ANO6: variants seen among roughly 807,000 people sequenced by gnomAD.
ANO6 encodes the protein anoctamin 6.
In ANO6, 106 loss-of-function variants were observed where a neutral mutation model predicts 117.5. The observed-to-expected ratio is 0.90, with a 90% CI of 0.77 to 1.06. The LOEUF (loss-of-function observed/expected upper bound fraction) is 1.06, where lower values mean the gene tolerates loss of function less well. ANO6 is among the 50% of genes least tolerant of loss of function. ANO6 has a pLI of 0.00. For synonymous variants in ANO6, 367 were observed against 385.1 expected (o/e 0.95, Z 0.55); for missense variants, 955 against 1,121.1 (o/e 0.85, Z 2.12).
In ANO6 at chr12:45,429,139, A is replaced by C. The variant is rs776028603; in HGVS notation, c.2561A>C (p.Tyr854Ser). The C allele has an allele frequency of 6.2e-7, 1 of 1,613,808 alleles. No homozygotes were observed. Among genetic ancestry groups the C allele is most frequent in the Non-Finnish European group, 8.5e-7 (1 of 1,179,894 alleles). The change falls in exon 20 of 20, where the codon TAT becomes TCT. Residue 854 changes from tyrosine to serine, a missense_variant. Tyr to Ser is a moderately radical substitution (Grantham distance 144, BLOSUM62 -2). Coordinates refer to ENST00000320560, the MANE Select transcript of ANO6 (RefSeq NM_001025356.3). The part of the protein sequence containing the change: ...VIYSVKFFIS[Y>S]AIPDVSKRTK... ...TACTCTGTGAAATTTTTCATTTCATATGCAATTCCCGATGTATCAAAACGC... is the reference window on the plus strand; with the variant it reads ...TACTCTGTGAAATTTTTCATTTCATCTGCAATTCCCGATGTATCAAAACGC...
rs1220919918 is a variant in ANO6, at chr12:45,409,258, G to A, written c.1881-99G>A. On this transcript the variant is annotated intron_variant, in intron 15 of 19. Transcript: ENST00000320560. ...CATGCAAACAAAAAAATAGTTTATT[G>A]GGAAGATTACTTGTGCAGCTTTGAG... 3.9e-5 allele frequency: 57 copies of A among 1,455,300 alleles called. No homozygotes were observed. In the Admixed American group the frequency reaches 9.7e-4, roughly 25 times the overall value. 90.1% of individuals were successfully genotyped at this position (1,455,300 alleles called of 1,614,324 possible).
At chr12:45,322,098 G>A (rs1320910557) in intron 2 of ANO6, among the ~76,000 whole-genome samples, 3 of 152,090 alleles carry the variant, frequency 2.0e-5, no homozygotes, top group Admixed American at 6.6e-5. Flanking sequence ...AGTTAGAAAG[G>A]CAAATAACAT....
chr12:45,301,044 T>C (rs1939467405), intron 1 of ANO6, among the ~76,000 whole-genome samples: 1 of 152,234 alleles, frequency 6.6e-6, no homozygotes, highest in Non-Finnish European at 1.5e-5. Context: ...CACAAATGGC[T>C]ATTGAGCTTT....
rs1270856549 is a variant in ANO6, at chr12:45,358,964, A to G, written c.998+1540A>G. Among the ~76,000 whole-genome samples the G allele has an allele frequency of 4.6e-5, 7 of 152,184 alleles. No individual in the cohort carries two copies. In the East Asian group the frequency reaches 1.4e-3, roughly 29 times the overall value. ...ACACCCGGCTAATTTTTGTATTTTT[A>G]GTAGAGATGGGGTTTCACCATCTTG... On this transcript the variant is annotated intron_variant, in intron 8 of 19. Transcript: ENST00000320560.
At chr12:45,398,152 G>A (rs1037548826) in intron 12 of ANO6, among the ~76,000 whole-genome samples, 6 of 152,126 alleles carry the variant, frequency 3.9e-5, no homozygotes, top group Non-Finnish European at 8.8e-5. Flanking sequence ...TAACAATAGG[G>A]CAAACAAGAG....
chr12:45,284,712 G>C (rs560703984), intron 1 of ANO6, among the ~76,000 whole-genome samples: 2 of 152,142 alleles, frequency 1.3e-5, no homozygotes, highest in Non-Finnish European at 2.9e-5. Flanking sequence ...GACTGTTGTC[G>C]TGTATCTAAG....
At chr12:45,223,990 C>A (rs1476215384) in intron 1 of ANO6, among the ~76,000 whole-genome samples, 1 of 152,110 alleles carries the variant, frequency 6.6e-6, no homozygotes, top group Non-Finnish European at 1.5e-5. Context: ...CTTTGAGATA[C>A]CCCCAGTTAT....
chr12:45,415,708 G>A (rs1182905368), intron 16 of ANO6, among the ~76,000 whole-genome samples: 1 of 152,156 alleles, frequency 6.6e-6, no homozygotes, highest in African/African-American at 2.4e-5. Flanking sequence ...TCTGCAACAT[G>A]CCCTTTGGCT....
intron 1 of ANO6, among the ~76,000 whole-genome samples, chr12:45,222,184 C>A (rs546595864): frequency 2.8e-5 from 4 of 142,670 alleles, no homozygotes; most frequent in African/African-American, 1.0e-4. Context: ...CCCGGCCCCC[C>A]CACTCCAGCT....
At chr12:45,335,273 A>T (rs570527672) in intron 3 of ANO6, among the ~76,000 whole-genome samples, 31 of 152,110 alleles carry the variant, frequency 2.0e-4, no homozygotes, top group South Asian at 1.5e-3. Flanking sequence ...TTATAATTTA[A>T]TTCAAACTTT....
intron 16 of ANO6, among the ~76,000 whole-genome samples, chr12:45,411,043 A>G (rs549820372): frequency 6.6e-6 from 1 of 152,366 alleles, no homozygotes; most frequent in South Asian, 2.1e-4. Context: ...GGACTGTAAG[A>G]CAATTACCTG....
At position 45,357,305 on chromosome 12, in the gene ANO6, G is replaced by A. The variant is rs1371276604; in HGVS notation, c.879G>A (p.Glu293=). 1 of 1,613,782 alleles carries A rather than the reference G, an allele frequency of 6.2e-7. No homozygotes were observed. The highest frequency in any genetic ancestry group is 8.5e-7 in the Non-Finnish European group (1 of 1,179,982). Residue 293 remains glutamate (E), a synonymous_variant, in exon 8 of 20, where the codon GAG becomes GAA. Transcript: ENST00000320560. The part of the protein sequence containing the change: ...PLDLIRKYYG[E]KIGIYFAWLG... ...CTTTCTTCAGGAAATACTATGGAGA[G>A]AAGATTGGAATCTACTTTGCTTGGC...
chr12:45,236,769 G>C (rs987032277), intron 1 of ANO6, among the ~76,000 whole-genome samples: 17 of 152,136 alleles, frequency 1.1e-4, no homozygotes, highest in African/African-American at 3.6e-4. Flanking sequence ...GGGTCAAATG[G>C]TATTTCTAGT....
intron 1 of ANO6, chr12:45,228,268 C>A (rs970437570): frequency 1.5e-5 from 6 of 403,170 alleles, no homozygotes; most frequent in Non-Finnish European, 2.9e-5. Flanking sequence ...GTATCTGGGA[C>A]CACAGGTATG....
At chr12:45,375,057 A>G (rs1941965929) in intron 9 of ANO6, among the ~76,000 whole-genome samples, 1 of 151,994 alleles carries the variant, frequency 6.6e-6, no homozygotes, top group Admixed American at 6.5e-5. Context: ...TTATACACCA[A>G]CAACATACAA....
intron 12 of ANO6, among the ~76,000 whole-genome samples, chr12:45,393,927 A>G (rs1942531264): frequency 6.6e-6 from 1 of 152,334 alleles, no homozygotes; most frequent in East Asian, 1.9e-4. Context: ...CTATGAAGAA[A>G]CTGCTTTAAT....
intron 9 of ANO6, among the ~76,000 whole-genome samples, chr12:45,373,977 G>T (rs1230602619): frequency 1.3e-5 from 2 of 152,126 alleles, no homozygotes; most frequent in South Asian, 2.1e-4. Flanking sequence ...GACTAATAAA[G>T]AGAGAAGAAT....
intron 15 of ANO6, among the ~76,000 whole-genome samples, chr12:45,404,736 C>G (rs757413202): frequency 1.3e-5 from 2 of 151,946 alleles, no homozygotes; most frequent in Non-Finnish European, 1.5e-5. Context: ...AAATAAAAAA[C>G]CTCTACCTTT....
chr12:45,284,548 A>T (rs1378991938), intron 1 of ANO6, among the ~76,000 whole-genome samples: 1 of 152,162 alleles, frequency 6.6e-6, no homozygotes, highest in Non-Finnish European at 1.5e-5. Flanking sequence ...TTGTTTGCTG[A>T]TGCCCACCAG....
Sources: gnomAD v4.1 joint callset for allele counts (sites outside exome capture counted in the v4.1 genomes callset) on GRCh38, gnomAD v4.1.1 for gene constraint, MANE v1.5 for transcripts, NCBI Gene and HGNC (gene_info 2026-07-23, HGNC 2026-07-21) for gene names.